SSH1: variants seen among roughly 807,000 people sequenced by gnomAD.
SSH1 encodes the protein slingshot protein phosphatase 1.
Under a neutral mutation model 79.7 loss-of-function variants are expected in SSH1, and 43 were observed. That is an observed-to-expected ratio of 0.54 (90% CI 0.42 to 0.70). SSH1 has a LOEUF of 0.70. Among genes scored for constraint, SSH1 ranks in the 30% least tolerant of loss-of-function variants. SSH1 has a pLI of 0.00. For missense variants in SSH1, 1,206 were observed against 1,358.8 expected (o/e 0.89, Z 1.77); for synonymous variants, 599 against 538.3 (o/e 1.11, Z -1.56).
intron 2 of SSH1, among the ~76,000 whole-genome samples, chr12:108,849,165 G>C: frequency 6.6e-6 from 1 of 152,216 alleles, no homozygotes; most frequent in South Asian, 2.1e-4. Context: ...GGGCTGTTTT[G>C]AGAATATGGA....
At chr12:108,811,823 C>T (rs530868762) in intron 5 of SSH1, among the ~76,000 whole-genome samples, 3 of 152,236 alleles carry the variant, frequency 2.0e-5, no homozygotes, top group East Asian at 1.9e-4. Context: ...GAAATGAGAC[C>T]GAATGACTGC....
chr12:108,803,568 G>C (rs185120256), intron 10 of SSH1, among the ~76,000 whole-genome samples: 134 of 152,308 alleles, frequency 8.8e-4, no homozygotes, highest in African/African-American at 2.9e-3. Flanking sequence ...TTTCATATTT[G>C]AGGGAGAGGC....
At chr12:108,790,425 C>T (rs2036453988) in intron 14 of SSH1, among the ~76,000 whole-genome samples, 1 of 151,994 alleles carries the variant, frequency 6.6e-6, no homozygotes, top group Non-Finnish European at 1.5e-5. Flanking sequence ...GCTGGGATTA[C>T]AGGCGTGCGG....
chr12:108,801,620 C>T (rs76801984), intron 11 of SSH1, among the ~76,000 whole-genome samples: 5,752 of 151,928 alleles, frequency 0.038, 149 homozygotes, highest in Non-Finnish European at 0.057. Flanking sequence ...TGCATCTTAA[C>T]CGGTAGTTCT....
rs2036345921 is a variant in SSH1 at position 108,788,203 on chromosome 12, G to C, written c.2935C>G (p.Leu979Val). 1 of 1,613,994 alleles carries C rather than the reference G, an allele frequency of 6.2e-7. No individual in the cohort carries two copies. Among genetic ancestry groups the C allele is most frequent in the Non-Finnish European group, 8.5e-7 (1 of 1,180,026 alleles). Residue 979 changes from leucine to valine, a missense_variant, in exon 15 of 15, where the codon CTT becomes GTT. Around this residue, in one of 5 missense-constraint regions of SSH1, gnomAD observed 709 missense variants for 730.6 expected, o/e 0.97. Transcript: ENST00000326495. The part of the protein sequence containing the change: ...VSSPLKRSHS[L>V]AKLGSLTFST... ...AAGGTGAGACTCCCCAGCTTGGCAA[G>C]AGAGTGTGAGCGCTTCAGTGGGGAA... is the stretch of plus-strand genomic sequence containing the variant.
intron 2 of SSH1, among the ~76,000 whole-genome samples, chr12:108,836,263 G>A (rs1399361751): frequency 1.3e-5 from 2 of 152,036 alleles, no homozygotes; most frequent in Non-Finnish European, 2.9e-5. Flanking sequence ...AGATGCACGT[G>A]TGTGTGTATG....
In SSH1 at chr12:108,792,361, G is replaced by T. The variant is rs1475303835; in HGVS notation, c.1818C>A (p.Thr606=). ...LGAGRWGQLP[T]QLDQNLLNSE... ...AGTTGAGCAGGTTTTGATCGAGCTG[G>T]GTTGGAAGCTGCCCCCACCTCCCTG... is the stretch of plus-strand genomic sequence containing the variant. Residue 606 remains threonine (T), a synonymous_variant, in exon 14 of 15, where the codon ACC becomes ACA. Transcript: ENST00000326495. 6.2e-7 allele frequency: 1 copy of T among 1,614,128 alleles called. No individual in the cohort carries two copies. The highest frequency in any genetic ancestry group is 1.1e-5 in the South Asian group (1 of 91,078).
At chr12:108,844,544 T>C (rs568119955) in intron 2 of SSH1, among the ~76,000 whole-genome samples, 16 of 152,366 alleles carry the variant, frequency 1.1e-4, no homozygotes, top group Non-Finnish European at 1.0e-4. Context: ...ATGTGTTCTA[T>C]GTTAGACTGG....
intron 2 of SSH1, among the ~76,000 whole-genome samples, chr12:108,825,070 AAAG>A (rs2038262450): frequency 6.6e-6 from 1 of 152,220 alleles, no homozygotes; most frequent in Non-Finnish European, 1.5e-5. Flanking sequence ...TATAATTTAA[AAAG>A]AACATTCTAA....
At chr12:108,830,169 T>A (rs1566009540) in intron 2 of SSH1, among the ~76,000 whole-genome samples, 1 of 151,754 alleles carries the variant, frequency 6.6e-6, no homozygotes. Context: ...AATAACATCA[T>A]GGCCAGGCAT....
rs1482144143 is a variant in SSH1, at chr12:108,810,805, C to T, written c.470+455G>A. ...CCTGCCCGGGTGGAACTGGTTCATT[C>T]CTCCTTTGTGGCCCCCAGGGTGGCG... On this transcript the variant is annotated intron_variant, in intron 6 of 14. Coordinates refer to ENST00000326495, the MANE Select transcript of SSH1 (RefSeq NM_018984.4). Among the ~76,000 whole-genome samples the T allele has an allele frequency of 2.0e-5, 3 of 152,346 alleles. No homozygotes were observed. In the East Asian group the frequency reaches 5.8e-4, roughly 29 times the overall value.
intron 3 of SSH1, among the ~76,000 whole-genome samples, chr12:108,819,297 C>A (rs2038024515): frequency 6.6e-6 from 1 of 152,176 alleles, no homozygotes; most frequent in African/African-American, 2.4e-5. Flanking sequence ...TGAGCTGCCC[C>A]AGGGTTCAGG....
intron 4 of SSH1, chr12:108,817,527 A>G (rs1008943722): frequency 2.9e-6 from 1 of 344,932 alleles, no homozygotes; most frequent in Non-Finnish European, 5.6e-6. Context: ...GTGAGCTGAG[A>G]TCATGCCACC....
rs1371454060 is a variant in SSH1 at position 108,798,980 on chromosome 12, C to G, written c.1349+20G>C. On this transcript the variant is annotated intron_variant, in intron 13 of 14. Coordinates refer to ENST00000326495, the MANE Select transcript of SSH1 (RefSeq NM_018984.4). ...GCTCCAGCTCCGCCTGCCAACCCTTCTCTCCAGGCAGGCACCCACCTTGCA... is the reference window on the plus strand; with the variant it reads ...GCTCCAGCTCCGCCTGCCAACCCTTGTCTCCAGGCAGGCACCCACCTTGCA... 6.2e-7 allele frequency: 1 copy of G among 1,610,366 alleles called. No individual in the cohort carries two copies. The highest frequency in any genetic ancestry group is 1.1e-5 in the South Asian group (1 of 91,022).
intron 13 of SSH1, among the ~76,000 whole-genome samples, chr12:108,796,458 C>T (rs1268954053): frequency 4.6e-5 from 7 of 152,286 alleles, no homozygotes; most frequent in East Asian, 3.9e-4. Flanking sequence ...TAGTTCTTTT[C>T]GTGATTTGCT....
chr12:108,837,616 A>AT (rs1272144411), intron 2 of SSH1, among the ~76,000 whole-genome samples: 1 of 152,152 alleles, frequency 6.6e-6, no homozygotes, highest in Non-Finnish European at 1.5e-5. Context: ...ATTAACGAGA[A>AT]TTTTTTATCG....
chr12:108,846,477 G>A (rs532605977), intron 2 of SSH1, among the ~76,000 whole-genome samples: 9 of 152,192 alleles, frequency 5.9e-5, no homozygotes, highest in Admixed American at 2.0e-4. Flanking sequence ...CAGTCTGAAC[G>A]GCACAGCTTC....
Position 108,799,193 on chromosome 12 carries a change from G to T in SSH1, c.1156C>A (p.His386Asn). The change falls in exon 13 of 15, where the codon CAT becomes AAT. Residue 386 changes from histidine (H) to asparagine (N), a missense_variant. His to Asn is a moderately conservative substitution (Grantham distance 68). Around this residue, in one of 5 missense-constraint regions of SSH1, gnomAD observed 166 missense variants for 262.9 expected, o/e 0.63. Transcript: ENST00000326495. ...YHFINKAKRN[H>N]SKCLVHCKMG... ...TTGCAATGCACCAGGCACTTGGAAT[G>T]GTTCCTCCTGCAGGGGTGGGAGCAG... is the stretch of plus-strand genomic sequence containing the variant. The T allele has an allele frequency of 6.2e-7, 1 of 1,612,760 alleles. No individual in the cohort carries two copies.
intron 2 of SSH1, among the ~76,000 whole-genome samples, chr12:108,843,327 A>T (rs1010789476): frequency 6.6e-6 from 1 of 152,174 alleles, no homozygotes; most frequent in Non-Finnish European, 1.5e-5. Context: ...GTTGCTCAAC[A>T]GGAAACAATA....
Sources: gnomAD v4.1 joint callset for allele counts (sites outside exome capture counted in the v4.1 genomes callset) on GRCh38, gnomAD v4.1.1 for gene constraint, gnomAD v4.1.1 regional missense constraint, MANE v1.5 for transcripts, NCBI Gene and HGNC (gene_info 2026-07-23, HGNC 2026-07-21) for gene names.